Variants in ZNF619 observed in about 807,000 individuals in gnomAD.
The protein encoded by ZNF619 is zinc finger protein 619.
Under a neutral mutation model 14.2 loss-of-function variants are expected in ZNF619, and 9 were observed. That is an observed-to-expected ratio of 0.64 (90% CI 0.38 to 1.11). ZNF619 has a LOEUF of 1.11. ZNF619 is among the 50% of genes least tolerant of loss of function. The pLI is 0.01. For missense variants in ZNF619, 659 were observed against 680.1 expected, an observed-to-expected ratio of 0.97 and a Z score of 0.34; for synonymous variants, 246 against 252.8, an observed-to-expected ratio of 0.97 and a Z score of 0.26.
At chr3:40,478,515 G>A (rs572993272) in intron 2 of ZNF619, among the ~76,000 whole-genome samples, 1 of 152,298 alleles carries the variant, frequency 6.6e-6, no homozygotes, top group South Asian at 2.1e-4. Context: ...GAAACATGTG[G>A]AAAATGTAGA....
intron 2 of ZNF619, among the ~76,000 whole-genome samples, chr3:40,478,455 G>C (rs1022088795): frequency 6.6e-6 from 1 of 152,178 alleles, no homozygotes; most frequent in Non-Finnish European, 1.5e-5. Flanking sequence ...TTCCAAGGGA[G>C]GAGTTTACCC....
At chr3:40,478,363 A>G (rs1559534488) in intron 2 of ZNF619, among the ~76,000 whole-genome samples, 2 of 152,166 alleles carry the variant, frequency 1.3e-5, no homozygotes, top group Non-Finnish European at 2.9e-5. Context: ...CTGGAAAATT[A>G]AAGGGCAGAT....
In ZNF619 at chr3:40,486,838, A is replaced by C. The variant is rs780289600; in HGVS notation, c.328A>C (p.Thr110Pro). Residue 110 changes from threonine to proline, a missense_variant, in exon 5 of 5, where the codon ACT becomes CCT. Coordinates refer to ENST00000432264, the MANE Select transcript of ZNF619 (RefSeq NM_001145093.4). ...AACCAAGACTGAGAATGAGGAAAAA[A>C]CTGCACAGCTAAACATTTCTAAAGA... ...GKTKTENEEK[T>P]AQLNISKESE... 11 of 1,604,574 alleles carry C rather than the reference A, an allele frequency of 6.9e-6. No homozygotes were observed. In the East Asian group the frequency reaches 8.9e-5, roughly 13 times the overall value.
chr3:40,490,613 T>G lies in ZNF619; in HGVS notation c.*2372T>G, dbSNP rs1026000543. Among the ~76,000 whole-genome samples, 1 of 152,170 alleles carries G rather than the reference T, an allele frequency of 6.6e-6. No individual in the cohort carries two copies. The highest frequency in any genetic ancestry group is 2.4e-5 in the African/African-American group (1 of 41,448). On this transcript the variant is annotated 3_prime_UTR_variant, in exon 5 of 5. Coordinates refer to ENST00000432264, the MANE Select transcript of ZNF619 (RefSeq NM_001145093.4). Reference sequence around the variant, plus strand: ...CCTCCTCTCCCCTTCTCAGCCTGCTTAACAAAATGACAAGGATACAGACCT... The same window carrying G: ...CCTCCTCTCCCCTTCTCAGCCTGCTGAACAAAATGACAAGGATACAGACCT...
Position 40,482,722 on chromosome 3 carries a change from C to T in ZNF619, c.295+18C>T. The T allele has an allele frequency of 6.4e-7, 1 of 1,568,110 alleles. No individual in the cohort carries two copies. Among genetic ancestry groups the T allele is most frequent in the Non-Finnish European group, 8.7e-7 (1 of 1,155,022 alleles). On this transcript the variant is annotated intron_variant, in intron 4 of 4. Transcript: ENST00000432264. ...GTGCACAGGTGAGCAGGAGAGCCTA[C>T]CATCCTCCTTTCCAGCTTTGCCTCC...
chr3:40,481,652 A>G (rs1697395812), intron 2 of ZNF619, among the ~76,000 whole-genome samples: 1 of 152,150 alleles, frequency 6.6e-6, no homozygotes, highest in Non-Finnish European at 1.5e-5. Context: ...GGCAGAGAAC[A>G]ACAGGTGCTG....
Position 40,483,405 on chromosome 3 carries a change from C to T in ZNF619, c.295+701C>T, listed in dbSNP as rs1697472617. Among the ~76,000 whole-genome samples the T allele has an allele frequency of 1.3e-5, 2 of 151,628 alleles. 1 individual carries two copies. The highest frequency in any genetic ancestry group is 4.9e-5 in the African/African-American group (2 of 41,230). On this transcript the variant is annotated intron_variant, in intron 4 of 4. Coordinates refer to ENST00000432264, the MANE Select transcript of ZNF619 (RefSeq NM_001145093.4). ...TCCTGGGTTCAAGTGTTTCTCCTCC[C>T]TCAGCCTTCTGAGTAGCTGGGACTA...
chr3:40,487,653 C>T lies in ZNF619; in HGVS notation c.1143C>T (p.Phe381=). The stretch of plus-strand genomic sequence containing the variant: ...AATGTAAAGAGTGTGGCAAGGCCTT[C>T]CACCGCAGTTCGGTATTTCTTCAGC... The part of the protein sequence containing the change: ...PYECKECGKA[F]HRSSVFLQHQ... The change falls in exon 5 of 5, where the codon TTC becomes TTT. Residue 381 remains phenylalanine, a synonymous_variant. Coordinates refer to ENST00000432264, the MANE Select transcript of ZNF619 (RefSeq NM_001145093.4). 6.2e-7 allele frequency: 1 copy of T among 1,613,992 alleles called. No homozygotes were observed. Among genetic ancestry groups the T allele is most frequent in the Non-Finnish European group, 8.5e-7 (1 of 1,179,962 alleles).
intron 1 of ZNF619, 30 bp from the exon 2 acceptor site, chr3:40,477,888 C>A: frequency 7.9e-7 from 1 of 1,269,928 alleles, no homozygotes; most frequent in Non-Finnish European, 1.1e-6. Context: ...GGAGACGAGA[C>A]AGATCAGTCT....
At position 40,482,035 on chromosome 3, in the gene ZNF619, C is replaced by T. The variant is rs1697417522; in HGVS notation, c.178+19C>T. ...TCCTTGTGTAAGTCCTCCTTCCTCT[C>T]TGAAACTCAGCTTCTGCCCTTGGGA... On this transcript the variant is annotated intron_variant, in intron 3 of 4. Coordinates refer to ENST00000432264, the MANE Select transcript of ZNF619 (RefSeq NM_001145093.4). The T allele has an allele frequency of 1.1e-5, 17 of 1,580,314 alleles. No individual in the cohort carries two copies. The highest frequency in any genetic ancestry group is 1.3e-5 in the Non-Finnish European group (15 of 1,166,548).
In ZNF619 at chr3:40,487,841, TTCAGCA is replaced by T; in HGVS notation, c.1337_1342del (p.His446_Gln447del). On this transcript the variant is annotated inframe_deletion, in exon 5 of 5. Coordinates refer to ENST00000432264, the MANE Select transcript of ZNF619 (RefSeq NM_001145093.4). The stretch of plus-strand genomic sequence containing the variant: ...ACATTCAGTCAAAAGATCACTCTGG[TTCAGCA>T]TCAGCGAGTTCACACTGGGGAGAAA... 1 of 1,614,180 alleles carries T rather than the reference TTCAGCA, an allele frequency of 6.2e-7. No homozygotes were observed. The highest frequency in any genetic ancestry group is 8.5e-7 in the Non-Finnish European group (1 of 1,180,024).
rs1372277256 is a variant in ZNF619, at chr3:40,490,792, C to T, written c.*2551C>T. Among the ~76,000 whole-genome samples the T allele has an allele frequency of 6.6e-6, 1 of 152,076 alleles. No individual in the cohort carries two copies. Among genetic ancestry groups the T allele is most frequent in the African/African-American group, 2.4e-5 (1 of 41,396 alleles). Reference sequence around the variant, plus strand: ...GTTAATCGACTGTTTCAGTAAGGCTCTGGTCAACAGTAGACTATTAGTAGT... The same window carrying T: ...GTTAATCGACTGTTTCAGTAAGGCTTTGGTCAACAGTAGACTATTAGTAGT... On this transcript the variant is annotated 3_prime_UTR_variant, in exon 5 of 5. Coordinates refer to ENST00000432264, the MANE Select transcript of ZNF619 (RefSeq NM_001145093.4).
At chr3:40,486,720 T>C in intron 4 of ZNF619, 86 bp from the exon 5 acceptor site, 1 of 1,047,936 alleles carries the variant, frequency 9.5e-7, no homozygotes, top group South Asian at 1.8e-5. Flanking sequence ...AAAAAATTCA[T>C]GTGTCTAGGG....
At chr3:40,479,255 A>G (rs1054968243) in intron 2 of ZNF619, among the ~76,000 whole-genome samples, 7 of 152,168 alleles carry the variant, frequency 4.6e-5, no homozygotes, top group Non-Finnish European at 1.0e-4. Context: ...TAAGTCCCCA[A>G]CAATATTTAT....
At position 40,481,863 on chromosome 3, in the gene ZNF619, G is replaced by C; in HGVS notation, c.25G>C (p.Gly9Arg). MLQTVWFQ[G>R]LGRNLLFQEP... ...GGCCTCTCCCTCTGTTCTTGTGCAGGGCTTGGGCAGGAACCTGTTGTTTCA... is the reference window on the plus strand; with the variant it reads ...GGCCTCTCCCTCTGTTCTTGTGCAGCGCTTGGGCAGGAACCTGTTGTTTCA... Residue 9 changes from glycine (G) to arginine (R), a missense_variant and splice_region_variant, in exon 3 of 5, where the codon GGC becomes CGC. Physicochemically the swap from Gly to Arg is moderately radical, Grantham distance 125. Transcript: ENST00000432264. 1 of 1,601,662 alleles carries C rather than the reference G, an allele frequency of 6.2e-7. No homozygotes were observed. Among genetic ancestry groups the C allele is most frequent in the East Asian group, 2.2e-5 (1 of 44,842 alleles).
intron 2 of ZNF619, among the ~76,000 whole-genome samples, chr3:40,478,970 C>T (rs1697292418): frequency 6.6e-6 from 1 of 152,076 alleles, no homozygotes; most frequent in African/African-American, 2.4e-5. Context: ...ATTAGATTCC[C>T]CAAAGAGGAC....
chr3:40,486,846 G>T lies in ZNF619; in HGVS notation c.336G>T (p.Gln112His). 1 of 1,610,820 alleles carries T rather than the reference G, an allele frequency of 6.2e-7. No individual in the cohort carries two copies. Among genetic ancestry groups the T allele is most frequent in the Non-Finnish European group, 8.5e-7 (1 of 1,179,090 alleles). ...CTGAGAATGAGGAAAAAACTGCACA[G>T]CTAAACATTTCTAAAGAATCAGAGT... Reference protein sequence around the residue: ...TKTENEEKTAQLNISKESESH... With the variant: ...TKTENEEKTAHLNISKESESH... Residue 112 changes from glutamine (Q) to histidine (H), a missense_variant, in exon 5 of 5, where the codon CAG becomes CAT. Gln to His is a conservative substitution (Grantham distance 24, BLOSUM62 0). Coordinates refer to ENST00000432264, the MANE Select transcript of ZNF619 (RefSeq NM_001145093.4).
At chr3:40,479,544 A>T (rs1362630770) in intron 2 of ZNF619, among the ~76,000 whole-genome samples, 1 of 152,234 alleles carries the variant, frequency 6.6e-6, no homozygotes, top group African/African-American at 2.4e-5. Context: ...GAGTCCTTTC[A>T]GATAATTACT....
Position 40,488,370 on chromosome 3 carries a change from A to G in ZNF619, c.*129A>G. On this transcript the variant is annotated 3_prime_UTR_variant, in exon 5 of 5. Transcript: ENST00000432264. Reference sequence around the variant, plus strand: ...TTACTGTTTTCCTAACTTCATTTTAAATTCTCACGCTTAAGGACCATGTTT... The same window carrying G: ...TTACTGTTTTCCTAACTTCATTTTAGATTCTCACGCTTAAGGACCATGTTT... 1 of 626,860 alleles carries G rather than the reference A, an allele frequency of 1.6e-6. No homozygotes were observed. Among genetic ancestry groups the G allele is most frequent in the Non-Finnish European group, 2.8e-6 (1 of 353,022 alleles). 38.8% of individuals were successfully genotyped at this position (626,860 alleles called of 1,614,324 possible). A position where few individuals can be genotyped will look rare whatever the true frequency, so the allele number is the denominator to read the frequency against.
Sources: allele counts gnomAD v4.1 joint callset (sites outside exome capture counted in the v4.1 genomes callset), GRCh38; gene constraint gnomAD v4.1.1; transcripts MANE v1.5; gene names NCBI Gene and HGNC (gene_info 2026-07-23, HGNC 2026-07-21).